Variants in MAML1 observed in about 807,000 individuals in gnomAD.
MAML1 encodes mastermind like transcriptional coactivator 1.
A neutral mutation model predicts 77.1 loss-of-function variants in MAML1; 14 were observed. The ratio of observed to expected loss-of-function variants is 0.18; its 90% CI spans 0.12 to 0.28. The LOEUF is 0.28. Among genes scored for constraint, MAML1 ranks in the 10% least tolerant of loss-of-function variants. MAML1 has a pLI of 1.00. For missense variants in MAML1, 1,217 were observed against 1,327.8 expected (o/e 0.92, Z 1.30); for synonymous variants, 516 against 551.9 (o/e 0.93, Z 0.91).
Position 179,766,810 on chromosome 5 carries a change from A to G in MAML1, c.1731+69A>G, listed in dbSNP as rs1283448576. The G allele has an allele frequency of 7.7e-7, 1 of 1,300,952 alleles. No homozygotes were observed. The highest frequency in any genetic ancestry group is 1.5e-5 in the African/African-American group (1 of 67,422). 80.6% of individuals were successfully genotyped at this position (1,300,952 alleles called of 1,614,324 possible). A position where few individuals can be genotyped will look rare whatever the true frequency, so the allele number is the denominator to read the frequency against. ...TCAGTGAGGTTACTCACTACTTTGG[A>G]TGTTAATTGGATCCGAGGTAGTTGT... On this transcript the variant is annotated intron_variant, in intron 2 of 4. Transcript: ENST00000292599. This position sits in a 1 kb window ranked among gnomAD's most constrained non-coding sequence, Gnocchi z 4.0.
At position 179,774,233 on chromosome 5, in the gene MAML1, G is replaced by A. The variant is rs757662479; in HGVS notation, c.2407G>A (p.Gly803Arg). The A allele has an allele frequency of 6.2e-7, 1 of 1,613,352 alleles. No homozygotes were observed. Among genetic ancestry groups the A allele is most frequent in the Non-Finnish European group, 8.5e-7 (1 of 1,179,880 alleles). Residue 803 changes from glycine to arginine, a missense_variant, in exon 5 of 5, where the codon GGA becomes AGA. By Grantham distance (125) the Gly-to-Arg change is moderately radical. This residue lies in a region of MAML1 where 884 missense variants were observed against 949.3 expected (regional missense o/e 0.93). Transcript: ENST00000292599. Reference protein sequence around the residue: ...VSAAYGQNSLGSSGLSQQHNK... With the variant: ...VSAAYGQNSLRSSGLSQQHNK... Reference sequence around the variant, plus strand: ...AGCTGCCTATGGGCAGAACTCTCTGGGAAGCTCTGGCCTCTCCCAGCAGCA... The same window carrying A: ...AGCTGCCTATGGGCAGAACTCTCTGAGAAGCTCTGGCCTCTCCCAGCAGCA...
intron 1 of MAML1, among the ~76,000 whole-genome samples, chr5:179,739,691 A>T (rs1196615876): frequency 6.6e-6 from 1 of 152,244 alleles, no homozygotes; most frequent in Non-Finnish European, 1.5e-5. Context: ...ATCAAAAATA[A>T]ATAAAAAATA....
At position 179,763,250 on chromosome 5, in the gene MAML1, C is replaced by T. The variant is rs544940802; in HGVS notation, c.316-2076C>T. Among the ~76,000 whole-genome samples, 52 of 152,340 alleles carry T rather than the reference C, an allele frequency of 3.4e-4. 1 individual carries two copies. The highest frequency in any genetic ancestry group is 2.6e-4 in the Admixed American group (4 of 15,298). On this transcript the variant is annotated intron_variant, in intron 1 of 4. Transcript: ENST00000292599. ...ATTTAAATGGGTATGAATTTACCTT[C>T]CACAAGGAAAACTTTTCAAATAATG... is the stretch of plus-strand genomic sequence containing the variant.
At chr5:179,751,258 C>G (rs1160205722) in intron 1 of MAML1, among the ~76,000 whole-genome samples, 1 of 152,146 alleles carries the variant, frequency 6.6e-6, no homozygotes, top group Non-Finnish European at 1.5e-5. Context: ...CAGGCGTGAG[C>G]CACCGTGCCC....
rs761383058 is a variant in MAML1 at position 179,733,425 on chromosome 5, A to G, written c.313A>G (p.Thr105Ala). 6.5e-5 allele frequency: 71 copies of G among 1,098,720 alleles called. No individual in the cohort carries two copies. The highest frequency in any genetic ancestry group is 7.7e-5 in the Non-Finnish European group (70 of 906,108). 68.1% of individuals were successfully genotyped at this position (1,098,720 alleles called of 1,614,324 possible). ...CGGCCCCGAGCACGGCCGCCCGGCC[A>G]CGGTGAGTAGGGCGCGGGAAGGCGC... ...ADGPEHGRPA[T>A]HLHDTVKRNL... is the part of the protein sequence containing the mutation. Residue 105 changes from threonine (T) to alanine (A), a missense_variant and splice_region_variant, in exon 1 of 5, where the codon ACG (threonine) becomes GCG (alanine). By Grantham distance (58) the Thr-to-Ala change is moderately conservative. This residue lies in a region of MAML1 where 312 missense variants were observed against 331.4 expected (regional missense o/e 0.94). Transcript: ENST00000292599.
Position 179,752,350 on chromosome 5 carries a change from A to AAAAAATAT in MAML1, c.316-12975_316-12974insAAAATATA, listed in dbSNP as rs1554150144. Among the ~76,000 whole-genome samples, 56 of 66,710 alleles carry AAAAAATAT rather than the reference A, an allele frequency of 8.4e-4. 1 individual carries two copies. The highest frequency in any genetic ancestry group is 1.4e-3 in the Admixed American group (6 of 4,392). The allele number at this position is 66,710 out of a possible 152,430, so 43.8% of individuals were successfully genotyped here. A position where few individuals can be genotyped will look rare whatever the true frequency, so the allele number is the denominator to read the frequency against. On this transcript the variant is annotated intron_variant, in intron 1 of 4. Coordinates refer to ENST00000292599, the MANE Select transcript of MAML1 (RefSeq NM_014757.5). Reference sequence around the variant, plus strand: ...CAAAAAAAAAAAAAAAAAAAAAAAAAATATATATATATATATGGTTAAATA... The same window carrying AAAAAATAT: ...CAAAAAAAAAAAAAAAAAAAAAAAAAAAAAATATATATATATATATATATGGTTAAATA...
chr5:179,760,952 G>A (rs776055714), intron 1 of MAML1, among the ~76,000 whole-genome samples: 1 of 151,996 alleles, frequency 6.6e-6, no homozygotes, highest in Non-Finnish European at 1.5e-5. Context: ...AAAGTTAGCC[G>A]GGCGTGGTGG....
At chr5:179,765,211 C>A in intron 1 of MAML1, 115 bp from the exon 2 acceptor site, 1 of 842,148 alleles carries the variant, frequency 1.2e-6, no homozygotes, top group Non-Finnish European at 1.9e-6. Context: ...GGAGTGTACA[C>A]TATGCAAGCA....
chr5:179,771,464 C>G lies in MAML1; in HGVS notation c.2068+221C>G, dbSNP rs1221231757. Among the ~76,000 whole-genome samples, 1 of 152,206 alleles carries G rather than the reference C, an allele frequency of 6.6e-6. No homozygotes were observed. Among genetic ancestry groups the G allele is most frequent in the Non-Finnish European group, 1.5e-5 (1 of 68,048 alleles). ...ACCACTAGAACTACCTTTGCTGGGTCCCTGGCTGTACAGTTTTCTGAAGCA... is the reference window on the plus strand; with the variant it reads ...ACCACTAGAACTACCTTTGCTGGGTGCCTGGCTGTACAGTTTTCTGAAGCA... On this transcript the variant is annotated intron_variant, in intron 4 of 4. Coordinates refer to ENST00000292599, the MANE Select transcript of MAML1 (RefSeq NM_014757.5). The surrounding 1 kb of genome is among the most constrained non-coding windows in gnomAD (Gnocchi z 4.7).
At chr5:179,744,109 A>C (rs944166698) in intron 1 of MAML1, among the ~76,000 whole-genome samples, 1 of 152,306 alleles carries the variant, frequency 6.6e-6, no homozygotes, top group African/African-American at 2.4e-5. Context: ...TTTTATTTTA[A>C]CGTAATATAT....
At chr5:179,735,271 G>A (rs942990585) in intron 1 of MAML1, among the ~76,000 whole-genome samples, 31 of 152,194 alleles carry the variant, frequency 2.0e-4, no homozygotes, top group African/African-American at 7.5e-4. Flanking sequence ...CACCCTGCCA[G>A]TCCCAGCTTA....
Position 179,766,301 on chromosome 5 carries a change from C to G in MAML1, c.1291C>G (p.Gln431Glu). 1 of 1,612,866 alleles carries G rather than the reference C, an allele frequency of 6.2e-7. No individual in the cohort carries two copies. Among genetic ancestry groups the G allele is most frequent in the South Asian group, 1.1e-5 (1 of 90,880 alleles). Residue 431 changes from glutamine to glutamate, a missense_variant, in exon 2 of 5, where the codon CAG (glutamine) becomes GAG (glutamate). By Grantham distance (29) the Gln-to-Glu change is conservative (BLOSUM62 2). This residue lies in a region of MAML1 where 884 missense variants were observed against 949.3 expected (regional missense o/e 0.93). Coordinates refer to ENST00000292599, the MANE Select transcript of MAML1 (RefSeq NM_014757.5). This position sits in a 1 kb window ranked among gnomAD's most constrained non-coding sequence, Gnocchi z 4.0. ...APAPGQMSTW[Q>E]QTGPSHSSLD... ...AGCCCCGGGCCAGATGTCCACATGGCAGCAGACGGGGCCCTCCCACAGTTC... is the reference window on the plus strand; with the variant it reads ...AGCCCCGGGCCAGATGTCCACATGGGAGCAGACGGGGCCCTCCCACAGTTC...
In MAML1 at chr5:179,774,978, G is replaced by A; in HGVS notation, c.*101G>A. On this transcript the variant is annotated 3_prime_UTR_variant, in exon 5 of 5. Transcript: ENST00000292599. Reference sequence around the variant, plus strand: ...TTTGGACCAAAAGCCCATGGCCTGGGGAGCTGGGCAGGTAGAGCCCAAGCT... The same window carrying A: ...TTTGGACCAAAAGCCCATGGCCTGGAGAGCTGGGCAGGTAGAGCCCAAGCT... 1.3e-6 allele frequency: 2 copies of A among 1,498,362 alleles called. No homozygotes were observed. Among genetic ancestry groups the A allele is most frequent in the South Asian group, 1.4e-5 (1 of 73,564 alleles). 92.8% of individuals were successfully genotyped at this position (1,498,362 alleles called of 1,614,324 possible).
intron 1 of MAML1, among the ~76,000 whole-genome samples, chr5:179,738,542 C>G (rs1023649502): frequency 1.3e-5 from 2 of 152,098 alleles, no homozygotes; most frequent in Non-Finnish European, 2.9e-5. Context: ...TTCAGTATCT[C>G]CCTTCCCAAC....
intron 4 of MAML1, chr5:179,773,628 A>G (rs1581950024): frequency 1.8e-6 from 1 of 564,976 alleles, no homozygotes; most frequent in East Asian, 1.4e-4. Context: ...CAGAGCAGAA[A>G]TTTGGTGGGT....
Position 179,774,013 on chromosome 5 carries a change from C to T in MAML1, c.2187C>T (p.Ser729=), listed in dbSNP as rs1319668347. Reference sequence around the variant, plus strand: ...TGGGCCCTGGACATGCTTCAGTTTCCTCTCTCCCCACAAACTCAGGCCAAC... The same window carrying T: ...TGGGCCCTGGACATGCTTCAGTTTCTTCTCTCCCCACAAACTCAGGCCAAC... ...MPMGPGHASV[S]SLPTNSGQQD... is the part of the protein sequence containing the mutation. Residue 729 remains serine (S), a synonymous_variant, in exon 5 of 5, where the codon TCC becomes TCT. Coordinates refer to ENST00000292599, the MANE Select transcript of MAML1 (RefSeq NM_014757.5). The T allele has an allele frequency of 1.2e-6, 2 of 1,614,100 alleles. No individual in the cohort carries two copies. The highest frequency in any genetic ancestry group is 1.7e-6 in the Non-Finnish European group (2 of 1,180,054).
intron 4 of MAML1, among the ~76,000 whole-genome samples, chr5:179,772,279 C>T (rs529831686): frequency 2.6e-5 from 4 of 152,156 alleles, no homozygotes; most frequent in South Asian, 4.2e-4. Flanking sequence ...CCACCACGCC[C>T]GGCTCATTTT....
At chr5:179,772,448 GGAA>G in intron 4 of MAML1, among the ~76,000 whole-genome samples, 1 of 152,208 alleles carries the variant, frequency 6.6e-6, no homozygotes, top group South Asian at 2.1e-4. Flanking sequence ...CTAGTAGAGA[GGAA>G]GAAGAACAAA....
chr5:179,752,248 C>A (rs950105818), intron 1 of MAML1, among the ~76,000 whole-genome samples: 1 of 144,766 alleles, frequency 6.9e-6, no homozygotes, highest in Admixed American at 7.1e-5. Flanking sequence ...ATCGCTTGAA[C>A]GCGGGAGGTG....
Sources: allele counts gnomAD v4.1 joint callset (sites outside exome capture counted in the v4.1 genomes callset), GRCh38; gene constraint gnomAD v4.1.1; regional missense constraint gnomAD v4.1.1; non-coding constraint Gnocchi (gnomAD v3.1); transcripts MANE v1.5; gene names NCBI Gene and HGNC (gene_info 2026-07-23, HGNC 2026-07-21).